The following MCF2L2 variants were observed in gnomAD, a reference collection of about 807,000 sequenced individuals.
MCF2L2 encodes probable guanine nucleotide exchange factor MCF2L2.
In MCF2L2, 102 loss-of-function variants were observed where a neutral mutation model predicts 150.2. The observed-to-expected ratio is 0.68, with a 90% CI of 0.58 to 0.80. MCF2L2 has a LOEUF of 0.80. Ranked by LOEUF, MCF2L2 falls within the 30% of genes least tolerant of loss-of-function variation. The probability of loss-of-function intolerance (pLI) is 0.00; values close to 1 mark genes in which losing one functional copy is unlikely to be tolerated. For missense variants in MCF2L2, 1,256 were observed against 1,372.8 expected, an observed-to-expected ratio of 0.91 and a Z score of 1.34; for synonymous variants, 465 against 491.3, an observed-to-expected ratio of 0.95 and a Z score of 0.71.
At chr3:183,411,497 C>A (rs1185310201) in intron 1 of MCF2L2, among the ~76,000 whole-genome samples, 1 of 152,104 alleles carries the variant, frequency 6.6e-6, no homozygotes, top group Non-Finnish European at 1.5e-5. Flanking sequence ...AGAAAAATTC[C>A]AAAACAAGCA....
intron 15 of MCF2L2, chr3:183,269,688 C>G (rs1726550467): frequency 5.3e-6 from 5 of 950,206 alleles, no homozygotes; most frequent in Admixed American, 2.7e-5. Context: ...TTTTTAATGA[C>G]CAACATGTAT....
At chr3:183,329,547 G>C (rs1577067107) in intron 5 of MCF2L2, among the ~76,000 whole-genome samples, 1 of 152,174 alleles carries the variant, frequency 6.6e-6, no homozygotes, top group Non-Finnish European at 1.5e-5. Flanking sequence ...CCTGGTGAAT[G>C]GTGAACAGAT....
Position 183,179,297 on chromosome 3 carries a change from TGGGCA to T in MCF2L2, c.*78_*82del, listed in dbSNP as rs1721425317. ...AGGCTCCGGCTGCTTTCTGCGTAGC[TGGGCA>T]GGGCCCGGGCCCCCACACCGCCTCT... On this transcript the variant is annotated 3_prime_UTR_variant, in exon 30 of 30. Coordinates refer to ENST00000328913, the MANE Select transcript of MCF2L2 (RefSeq NM_015078.4). This position sits in a 1 kb window ranked among gnomAD's most constrained non-coding sequence, Gnocchi z 4.2. 6 of 1,362,940 alleles carry T rather than the reference TGGGCA, an allele frequency of 4.4e-6. No homozygotes were observed. In the Admixed American group the frequency reaches 2.3e-4, roughly 52 times the overall value. 84.4% of individuals were successfully genotyped at this position (1,362,940 alleles called of 1,614,324 possible).
intron 1 of MCF2L2, among the ~76,000 whole-genome samples, chr3:183,407,233 C>A (rs931198224): frequency 3.3e-5 from 5 of 152,108 alleles, no homozygotes; most frequent in Non-Finnish European, 5.9e-5. Flanking sequence ...TATCCTTTTG[C>A]CAATACCACA....
Position 183,270,719 on chromosome 3 carries a change from T to G in MCF2L2, c.1862+6153A>C. 1 of 1,613,744 alleles carries G rather than the reference T, an allele frequency of 6.2e-7. No homozygotes were observed. The highest frequency in any genetic ancestry group is 1.3e-5 in the African/African-American group (1 of 74,976). Reference sequence around the variant, plus strand: ...ACCATGTGTTTTTTTCTGGAGAGGGTAAAACTCCTTATCATCCCTGCATCT... The same window carrying G: ...ACCATGTGTTTTTTTCTGGAGAGGGGAAAACTCCTTATCATCCCTGCATCT... On this transcript the variant is annotated intron_variant, in intron 15 of 29. Transcript: ENST00000328913. The surrounding 1 kb of genome is among the most constrained non-coding windows in gnomAD (Gnocchi z 4.5).
Position 183,267,279 on chromosome 3 carries a change from C to T in MCF2L2, c.1862+9593G>A, listed in dbSNP as rs896519754. Among the ~76,000 whole-genome samples, 4 of 152,188 alleles carry T rather than the reference C, an allele frequency of 2.6e-5. No homozygotes were observed. The highest frequency in any genetic ancestry group is 5.9e-5 in the Non-Finnish European group (4 of 68,046). On this transcript the variant is annotated intron_variant, in intron 15 of 29. Coordinates refer to ENST00000328913, the MANE Select transcript of MCF2L2 (RefSeq NM_015078.4). This position sits in a 1 kb window ranked among gnomAD's most constrained non-coding sequence, Gnocchi z 5.5. ...GCAGTTTTCAAATCAATGCCCTTGG[C>T]GATAAAGTGTGCCCTATACTGATTA...
intron 6 of MCF2L2, among the ~76,000 whole-genome samples, chr3:183,321,714 T>C (rs1158395795): frequency 1.3e-5 from 2 of 152,228 alleles, no homozygotes. Flanking sequence ...GTAAAAGGCA[T>C]GTAAAGAATA....
chr3:183,341,444 T>A, intron 4 of MCF2L2, 96 bp downstream of exon 4: 2 of 993,258 alleles, frequency 2.0e-6, no homozygotes, highest in South Asian at 1.4e-5. Flanking sequence ...AAATTTGACA[T>A]AAAATAATTG....
At chr3:183,316,623 G>T (rs1164479543) in intron 7 of MCF2L2, among the ~76,000 whole-genome samples, 1 of 151,654 alleles carries the variant, frequency 6.6e-6, no homozygotes, top group Non-Finnish European at 1.5e-5. Context: ...AGGATTACAC[G>T]CATGAGCCAC....
intron 17 of MCF2L2, among the ~76,000 whole-genome samples, chr3:183,229,313 G>A (rs1173533941): frequency 6.6e-6 from 1 of 152,252 alleles, no homozygotes; most frequent in Admixed American, 6.5e-5. Flanking sequence ...GTATGGAGAT[G>A]TGTATCTTGG....
At chr3:183,223,955 A>C (rs950552272) in intron 19 of MCF2L2, 143 bp downstream of exon 19, 10 of 702,032 alleles carry the variant, frequency 1.4e-5, no homozygotes, top group Non-Finnish European at 2.3e-5. Context: ...ACAACTTTTC[A>C]TGTGTAATTT....
chr3:183,427,289 T>C (rs574489592), intron 1 of MCF2L2, among the ~76,000 whole-genome samples: 1 of 152,326 alleles, frequency 6.6e-6, no homozygotes, highest in East Asian at 1.9e-4. Flanking sequence ...AAGCAATGCA[T>C]GTTTTGCTCC....
At chr3:183,299,363 C>T (rs544262595) in intron 11 of MCF2L2, 2 of 152,380 alleles carry the variant, frequency 1.3e-5, no homozygotes, top group Admixed American at 6.5e-5. Context: ...CCAGACCTAT[C>T]GACGCTGAGT....
Position 183,216,058 on chromosome 3 carries a change from T to G in MCF2L2, c.2407A>C (p.Thr803Pro). The G allele has an allele frequency of 1.9e-6, 3 of 1,613,970 alleles. No homozygotes were observed. Among genetic ancestry groups the G allele is most frequent in the Non-Finnish European group, 2.5e-6 (3 of 1,179,906 alleles). Residue 803 changes from threonine (T) to proline (P), a missense_variant, in exon 22 of 30, where the codon ACT becomes CCT. Coordinates refer to ENST00000328913, the MANE Select transcript of MCF2L2 (RefSeq NM_015078.4). The part of the protein sequence containing the change: ...PKRTKDSAFS[T>P]ELQQALAVIE... Reference sequence around the variant, plus strand: ...ACTGCCAAAGCTTGTTGTAGTTCAGTTGAGAATGCTGAATCTTTGGTTCTC... The same window carrying G: ...ACTGCCAAAGCTTGTTGTAGTTCAGGTGAGAATGCTGAATCTTTGGTTCTC...
chr3:183,410,260 A>T (rs1715254561), intron 1 of MCF2L2, among the ~76,000 whole-genome samples: 1 of 151,972 alleles, frequency 6.6e-6, no homozygotes, highest in South Asian at 2.1e-4. Flanking sequence ...CAGCCTCCAA[A>T]CTCTCACAGC....
At chr3:183,216,859 C>A (rs900153280) in intron 21 of MCF2L2, among the ~76,000 whole-genome samples, 4 of 151,180 alleles carry the variant, frequency 2.6e-5, no homozygotes, top group African/African-American at 9.7e-5. Context: ...CCCACCTTGG[C>A]CTCCTAAAGT....
At chr3:183,292,481 G>A (rs1728210082) in intron 13 of MCF2L2, among the ~76,000 whole-genome samples, 1 of 151,858 alleles carries the variant, frequency 6.6e-6, no homozygotes, top group Admixed American at 6.6e-5. Flanking sequence ...ATTCCGAAGA[G>A]AAATGACACA....
At position 183,309,726 on chromosome 3, in the gene MCF2L2, T is replaced by G. The variant is rs746013324; in HGVS notation, c.1103A>C (p.Glu368Ala). The G allele has an allele frequency of 6.2e-7, 1 of 1,613,964 alleles. No homozygotes were observed. The highest frequency in any genetic ancestry group is 1.7e-5 in the Admixed American group (1 of 59,986). ...QILKEHKKLE[E>A]KSQEPLEKAQ... Reference sequence around the variant, plus strand: ...TGTCAGAAAGCAAACCTGGCTTTTTTCCTCCAGTTTTTTGTGTTCCTTAAG... The same window carrying G: ...TGTCAGAAAGCAAACCTGGCTTTTTGCCTCCAGTTTTTTGTGTTCCTTAAG... Residue 368 changes from glutamate to alanine, a missense_variant, in exon 10 of 30, where the codon GAA becomes GCA. By Grantham distance (107) the Glu-to-Ala change is moderately radical (BLOSUM62 -1). Transcript: ENST00000328913.
At chr3:183,220,036 G>T in intron 20 of MCF2L2, 112 bp from the exon 21 acceptor site, 1 of 755,522 alleles carries the variant, frequency 1.3e-6, no homozygotes, top group South Asian at 1.5e-5. Flanking sequence ...TAAGCTGACT[G>T]AGAACGTGTG....
Sources: gnomAD v4.1 joint callset for allele counts (sites outside exome capture counted in the v4.1 genomes callset) on GRCh38, gnomAD v4.1.1 for gene constraint, Gnocchi (gnomAD v3.1) non-coding constraint, MANE v1.5 for transcripts, NCBI Gene and HGNC (gene_info 2026-07-23, HGNC 2026-07-21) for gene names.